The following KCNIP1 variants were observed in gnomAD, a reference collection of about 807,000 sequenced individuals.
The protein encoded by KCNIP1 is A-type potassium channel modulatory protein KCNIP1.
A neutral mutation model predicts 33.0 loss-of-function variants in KCNIP1; 18 were observed. The observed-to-expected ratio is 0.55, with a 90% confidence interval of 0.38 to 0.81. KCNIP1 has a LOEUF of 0.81. Among genes scored for constraint, KCNIP1 ranks in the 30% least tolerant of loss-of-function variants. The pLI is 0.00. For missense variants in KCNIP1, 238 were observed against 271.6 expected, an observed-to-expected ratio of 0.88 and a Z score of 0.87; for synonymous variants, 93 against 98.3, an observed-to-expected ratio of 0.95 and a Z score of 0.32.
At chr5:170,436,059 G>A (rs1394666189) in intron 1 of KCNIP1, among the ~76,000 whole-genome samples, 4 of 152,108 alleles carry the variant, frequency 2.6e-5, no homozygotes, top group African/African-American at 7.2e-5. Flanking sequence ...GTACACATGC[G>A]TCTTCAATCC....
At chr5:170,615,719 C>G (rs965859873) in intron 1 of KCNIP1, among the ~76,000 whole-genome samples, 1 of 152,192 alleles carries the variant, frequency 6.6e-6, no homozygotes, top group African/African-American at 2.4e-5. Flanking sequence ...CCTCACCACT[C>G]ATACACTGGG....
intron 1 of KCNIP1, among the ~76,000 whole-genome samples, chr5:170,463,996 C>T (rs578161896): frequency 1.1e-4 from 16 of 152,136 alleles, no homozygotes; most frequent in Admixed American, 2.6e-4. Flanking sequence ...AATTCCTATA[C>T]ACTAGTAATG....
At chr5:170,441,016 C>A (rs146225409) in intron 1 of KCNIP1, among the ~76,000 whole-genome samples, 1 of 152,184 alleles carries the variant, frequency 6.6e-6, no homozygotes, top group African/African-American at 2.4e-5. Flanking sequence ...CTCGGTCTGC[C>A]GTCGCCCTTT....
chr5:170,446,158 C>T (rs1561629923), intron 1 of KCNIP1, among the ~76,000 whole-genome samples: 1 of 152,210 alleles, frequency 6.6e-6, no homozygotes, highest in Non-Finnish European at 1.5e-5. Flanking sequence ...AGTCATTACC[C>T]TCACTGGCAG....
At chr5:170,666,537 C>T (rs1761710869) in intron 1 of KCNIP1, among the ~76,000 whole-genome samples, 1 of 152,130 alleles carries the variant, frequency 6.6e-6, no homozygotes, top group Non-Finnish European at 1.5e-5. Flanking sequence ...GGTAAGTCAG[C>T]TCATTGCATA....
At chr5:170,528,989 T>C (rs1755687857) in intron 1 of KCNIP1, among the ~76,000 whole-genome samples, 1 of 152,208 alleles carries the variant, frequency 6.6e-6, no homozygotes, top group African/African-American at 2.4e-5. Context: ...CTTTGTCAGA[T>C]AAAGCATAAG....
At chr5:170,601,678 T>C (rs770859283) in intron 1 of KCNIP1, among the ~76,000 whole-genome samples, 13 of 152,222 alleles carry the variant, frequency 8.5e-5, no homozygotes, top group Non-Finnish European at 1.6e-4. Context: ...TCAACAATTA[T>C]ACTAAACACC....
chr5:170,720,335 T>C lies in KCNIP1; in HGVS notation c.201T>C (p.Gly67=). The C allele has an allele frequency of 6.2e-7, 1 of 1,614,010 alleles. No homozygotes were observed. The highest frequency in any genetic ancestry group is 8.5e-7 in the Non-Finnish European group (1 of 1,179,908). Residue 67 remains glycine (G), a synonymous_variant, in exon 3 of 8, where the codon GGT becomes GGC. Transcript: ENST00000328939. ...YRGFKNECPS[G]VVNEDTFKQI... is the part of the protein sequence containing the mutation. ...CCTTCCCACAGGAGTGCCCCAGTGGTGTGGTCAACGAAGACACATTCAAGC... is the reference window on the plus strand; with the variant it reads ...CCTTCCCACAGGAGTGCCCCAGTGGCGTGGTCAACGAAGACACATTCAAGC...
intron 1 of KCNIP1, among the ~76,000 whole-genome samples, chr5:170,658,431 A>G (rs1038962679): frequency 2.0e-5 from 3 of 152,122 alleles, no homozygotes; most frequent in African/African-American, 7.2e-5. Context: ...TTCACCCACA[A>G]ATTTATTAAC....
At chr5:170,472,703 C>T (rs571464344) in intron 1 of KCNIP1, among the ~76,000 whole-genome samples, 2 of 151,650 alleles carry the variant, frequency 1.3e-5, no homozygotes, top group African/African-American at 4.8e-5. Flanking sequence ...TCCTGAGTTA[C>T]TTCACTTAGA....
At chr5:170,565,705 G>A (rs1757181848) in intron 1 of KCNIP1, among the ~76,000 whole-genome samples, 2 of 152,162 alleles carry the variant, frequency 1.3e-5, no homozygotes, top group South Asian at 2.1e-4. Context: ...GGAAAAACTA[G>A]GATTTTTAAA....
At chr5:170,606,334 A>G (rs1027224197) in intron 1 of KCNIP1, among the ~76,000 whole-genome samples, 3 of 152,178 alleles carry the variant, frequency 2.0e-5, no homozygotes, top group Non-Finnish European at 4.4e-5. Context: ...AGTTTTCCAT[A>G]ACAGCTGCAC....
intron 1 of KCNIP1, among the ~76,000 whole-genome samples, chr5:170,665,940 G>T (rs895121753): frequency 6.6e-6 from 1 of 152,118 alleles, no homozygotes; most frequent in African/African-American, 2.4e-5. Flanking sequence ...TTATCAACAC[G>T]ACCTATCACT....
intron 1 of KCNIP1, among the ~76,000 whole-genome samples, chr5:170,677,671 T>C (rs549886931): frequency 2.4e-4 from 37 of 152,298 alleles, no homozygotes; most frequent in Non-Finnish European, 4.6e-4. Flanking sequence ...CAGTCTTTTA[T>C]GATGTCTGGA....
chr5:170,652,289 G>A (rs1310569582), intron 1 of KCNIP1, among the ~76,000 whole-genome samples: 2 of 151,984 alleles, frequency 1.3e-5, no homozygotes, highest in Non-Finnish European at 1.5e-5. Flanking sequence ...TTCAAGACTA[G>A]CCTGGGCAAC....
At chr5:170,668,083 G>A (rs2113763523) in intron 1 of KCNIP1, among the ~76,000 whole-genome samples, 1 of 152,342 alleles carries the variant, frequency 6.6e-6, no homozygotes, top group East Asian at 1.9e-4. Flanking sequence ...ACAGGTAATA[G>A]ATGTGGGGCT....
At chr5:170,472,550 T>C (rs563374766) in intron 1 of KCNIP1, among the ~76,000 whole-genome samples, 17 of 152,216 alleles carry the variant, frequency 1.1e-4, no homozygotes, top group African/African-American at 4.1e-4. Context: ...TACACTGCAC[T>C]CCATTTGCAA....
chr5:170,383,947 G>A, intron 1 of KCNIP1: 2 of 1,332,892 alleles, frequency 1.5e-6, no homozygotes, highest in South Asian at 1.4e-5. Context: ...GCCTCTAGAG[G>A]GATCCAGGAC....
chr5:170,378,609 G>T, intron 1 of KCNIP1: 2 of 1,296,212 alleles, frequency 1.5e-6, no homozygotes, highest in Non-Finnish European at 2.1e-6. Flanking sequence ...TGGGAGGGCA[G>T]GTGGAGAAGG....
Sources: allele counts gnomAD v4.1 joint callset (sites outside exome capture counted in the v4.1 genomes callset), GRCh38; gene constraint gnomAD v4.1.1; transcripts MANE v1.5; gene names NCBI Gene and HGNC (gene_info 2026-07-23, HGNC 2026-07-21).